The following SPO11 variants were observed in gnomAD, a reference collection of about 807,000 sequenced individuals.
The protein encoded by SPO11 is SPO11 initiator of meiotic double strand breaks.
Under a neutral mutation model 51.6 loss-of-function variants are expected in SPO11, and 49 were observed. The observed-to-expected ratio is 0.95, with a 90% CI of 0.75 to 1.20. SPO11 has a LOEUF of 1.20. SPO11 is among the 50% of genes most tolerant of loss of function. The probability of loss-of-function intolerance (pLI) is 0.00; values close to 1 mark genes in which losing one functional copy is unlikely to be tolerated. For missense variants in SPO11, 431 were observed against 473.4 expected, an observed-to-expected ratio of 0.91 and a Z score of 0.83; for synonymous variants, 176 against 158.2, an observed-to-expected ratio of 1.11 and a Z score of -0.84.
rs1442634237 is a variant in SPO11 at position 57,342,747 on chromosome 20, T to C, written c.978T>C (p.Asp326=). Residue 326 remains aspartate (D), a synonymous_variant, in exon 12 of 13, where the codon GAT becomes GAC. Transcript: ENST00000371263. ...TTTCCAGATTAAATGTACCTAAAGA[T>C]AGTTTGATTCCACTGACAAAAAGGG... is the stretch of plus-strand genomic sequence containing the variant. ...SDLKRLNVPK[D]SLIPLTKRDQ... 4 of 1,612,538 alleles carry C rather than the reference T, an allele frequency of 2.5e-6. No homozygotes were observed. In the South Asian group the frequency reaches 4.4e-5, roughly 18 times the overall value.
intron 8 of SPO11, chr20:57,337,775 G>A (rs185899049): frequency 2.3e-6 from 3 of 1,308,304 alleles, no homozygotes; most frequent in Admixed American, 2.2e-5. Context: ...ATCCAAGGTA[G>A]GAAGATGTAA....
chr20:57,330,603 A>G (rs2066437601), intron 1 of SPO11, among the ~76,000 whole-genome samples: 1 of 152,238 alleles, frequency 6.6e-6, no homozygotes, highest in South Asian at 2.1e-4. Flanking sequence ...CCATGTTAGA[A>G]TTAACCACAG....
Position 57,334,766 on chromosome 20 carries a change from G to A in SPO11, c.527G>A (p.Gly176Asp). Residue 176 changes from glycine to aspartate, a missense_variant, in exon 6 of 13, where the codon GGT becomes GAT. Transcript: ENST00000371263. ...TTTTTGCAGTTATCTACATCAAAAG[G>A]TTTAATTGCTGGCAACTTAAGATAC... ...RSLHILSTSK[G>D]LIAGNLRYIE... 2 of 1,613,606 alleles carry A rather than the reference G, an allele frequency of 1.2e-6. No individual in the cohort carries two copies. The highest frequency in any genetic ancestry group is 1.7e-6 in the Non-Finnish European group (2 of 1,179,736).
rs2066522130 is a variant in SPO11 at position 57,337,112 on chromosome 20, ATGG to A, written c.745-1163_745-1161del. 2.6e-5 allele frequency among the ~76,000 whole-genome samples: 4 copies of A among 152,256 alleles called. No individual in the cohort carries two copies. In the South Asian group the frequency reaches 8.3e-4, roughly 32 times the overall value. On this transcript the variant is annotated intron_variant, in intron 8 of 12. Coordinates refer to ENST00000371263, the MANE Select transcript of SPO11 (RefSeq NM_012444.3). ...CTTGCCCAACATCACACCACTGATG[ATGG>A]GCAGAGAGGGAATTCAAACTCGGAG... is the stretch of plus-strand genomic sequence containing the variant.
chr20:57,329,903 C>G lies in SPO11; in HGVS notation c.36C>G (p.Phe12Leu). The G allele has an allele frequency of 6.2e-7, 1 of 1,613,890 alleles. No individual in the cohort carries two copies. The highest frequency in any genetic ancestry group is 8.5e-7 in the Non-Finnish European group (1 of 1,179,906). ...AFAPMGPEAS[F>L]FDVLDRHRES... ...CACCTATGGGGCCCGAGGCCTCGTT[C>G]TTCGACGTTTTGGACCGACACAGGG... The change falls in exon 1 of 13, where the codon TTC (phenylalanine) becomes TTG (leucine). Residue 12 changes from phenylalanine to leucine, a missense_variant. Physicochemically the swap from Phe to Leu is conservative, Grantham distance 22. This residue lies in a region of SPO11 where 405 missense variants were observed against 425.9 expected (regional missense o/e 0.95). Coordinates refer to ENST00000371263, the MANE Select transcript of SPO11 (RefSeq NM_012444.3).
At position 57,329,975 on chromosome 20, in the gene SPO11, T is replaced by TG; in HGVS notation, c.113dup (p.Ser39LysfsTer8). 1 of 1,607,382 alleles carries TG rather than the reference T, an allele frequency of 6.2e-7. No homozygotes were observed. Among genetic ancestry groups the TG allele is most frequent in the South Asian group, 1.1e-5 (1 of 90,518 alleles). On this transcript the variant is annotated frameshift_variant, in exon 1 of 13. Coordinates refer to ENST00000371263, the MANE Select transcript of SPO11 (RefSeq NM_012444.3). LOFTEE classifies it high-confidence loss of function. ...GGAGAGGTGGCAGGGAGCCCCCAAC[T>TG]GGGGGAAGCCGCCTGGCCTCCAGGT...
intron 11 of SPO11, among the ~76,000 whole-genome samples, chr20:57,340,895 A>T (rs2066573773): frequency 6.6e-6 from 1 of 152,234 alleles, no homozygotes; most frequent in Admixed American, 6.5e-5. Context: ...TCATTTTAAG[A>T]GTATTAAAAT....
intron 1 of SPO11, among the ~76,000 whole-genome samples, chr20:57,330,695 G>A (rs2066438687): frequency 6.6e-6 from 1 of 152,082 alleles, no homozygotes; most frequent in African/African-American, 2.4e-5. Context: ...GTTGAGCAAA[G>A]TTTTTCAGCC....
In SPO11 at chr20:57,343,499, C is replaced by T; in HGVS notation, c.*39C>T. The T allele has an allele frequency of 6.4e-7, 1 of 1,562,416 alleles. No individual in the cohort carries two copies. Among genetic ancestry groups the T allele is most frequent in the Non-Finnish European group, 8.6e-7 (1 of 1,161,134 alleles). On this transcript the variant is annotated 3_prime_UTR_variant, in exon 13 of 13. Coordinates refer to ENST00000371263, the MANE Select transcript of SPO11 (RefSeq NM_012444.3). The stretch of plus-strand genomic sequence containing the variant: ...GAACTTCTGATTGCCAGAGGCTTTT[C>T]ATTAGTTTTGTTTTGATTGGCAAAT...
intron 7 of SPO11, 53 bp from the exon 8 acceptor site, chr20:57,335,745 G>A (rs1286512492): frequency 9.1e-7 from 1 of 1,096,752 alleles, no homozygotes; most frequent in Non-Finnish European, 1.4e-6. Context: ...TAATTTAGTT[G>A]GTGATTAAAT....
In SPO11 at chr20:57,335,430, G is replaced by T. The variant is rs1312301390; in HGVS notation, c.609G>T (p.Val203=). ...TTTTTTTTTAAAAGGCTGTTGCTGT[G>T]CCATCGAATATTCAAGGAATTCGGA... ...NCTCGATAVA[V]PSNIQGIRNL... is the part of the protein sequence containing the mutation. Residue 203 remains valine, a synonymous_variant, in exon 7 of 13, where the codon GTG becomes GTT. Transcript: ENST00000371263. 1 of 1,609,988 alleles carries T rather than the reference G, an allele frequency of 6.2e-7. No individual in the cohort carries two copies.
chr20:57,338,341 T>G lies in SPO11; in HGVS notation c.810T>G (p.Val270=). ...LVKKLWDTFH[V]PVFTLVDADP... Reference sequence around the variant, plus strand: ...AGAAACTGTGGGATACATTTCATGTTCCTGTTTTCACTCTTGTAGATGCTG... The same window carrying G: ...AGAAACTGTGGGATACATTTCATGTGCCTGTTTTCACTCTTGTAGATGCTG... The change falls in exon 9 of 13, where the codon GTT becomes GTG. Residue 270 remains valine (V), a synonymous_variant. Transcript: ENST00000371263. The G allele has an allele frequency of 6.2e-7, 1 of 1,613,888 alleles. No homozygotes were observed.
chr20:57,342,919 G>C, intron 12 of SPO11, 79 bp downstream of exon 12: 1 of 977,534 alleles, frequency 1.0e-6, no homozygotes, highest in Non-Finnish European at 1.6e-6. Context: ...ATCGTATTTT[G>C]AAAATATCCC....
In SPO11 at chr20:57,343,681, A is replaced by G. The variant is rs913755826; in HGVS notation, c.*221A>G. On this transcript the variant is annotated 3_prime_UTR_variant, in exon 13 of 13. Transcript: ENST00000371263. ...CTCTATAGAGACAGATTTCTGTCCT[A>G]TCTTCTAAAGCAAATTATAAAAGAA... 5.8e-6 allele frequency: 2 copies of G among 342,630 alleles called. No homozygotes were observed. The highest frequency in any genetic ancestry group is 5.2e-5 in the East Asian group (1 of 19,366). The allele number at this position is 342,630 out of a possible 1,614,324, so 21.2% of individuals were successfully genotyped here.
rs2066598409 is a variant in SPO11, at chr20:57,342,741, TAA to T, written c.974_975del (p.Lys325ArgfsTer2). The T allele has an allele frequency of 1.2e-6, 2 of 1,611,702 alleles. No homozygotes were observed. The highest frequency in any genetic ancestry group is 1.7e-6 in the Non-Finnish European group (2 of 1,178,252). On this transcript the variant is annotated frameshift_variant, in exon 12 of 13. Coordinates refer to ENST00000371263, the MANE Select transcript of SPO11 (RefSeq NM_012444.3). LOFTEE classifies it high-confidence loss of function. ...PSDLKRLNVP[K>X]DSLIPLTKRD... is the part of the protein sequence containing the mutation. The stretch of plus-strand genomic sequence containing the variant: ...TACTTTTTTCCAGATTAAATGTACC[TAA>T]AGATAGTTTGATTCCACTGACAAAA...
intron 12 of SPO11, 76 bp downstream of exon 12, chr20:57,342,916 T>A: frequency 1.0e-6 from 1 of 991,624 alleles, no homozygotes; most frequent in South Asian, 1.5e-5. Context: ...CACATCGTAT[T>A]TTGAAAATAT....
rs1420630871 is a variant in SPO11 at position 57,342,734 on chromosome 20, AT to A, written c.966del (p.Asn322LysfsTer7). On this transcript the variant is annotated frameshift_variant, in exon 12 of 13. Transcript: ENST00000371263. LOFTEE classifies it high-confidence loss of function. ...TTTCACCTACTTTTTTCCAGATTAA[AT>A]GTACCTAAAGATAGTTTGATTCCAC... ...GLLPSDLKRL[N>X]VPKDSLIPLT... 2 of 1,606,322 alleles carry A rather than the reference AT, an allele frequency of 1.2e-6. No homozygotes were observed. The highest frequency in any genetic ancestry group is 1.7e-5 in the Admixed American group (1 of 59,498).
rs774957467 is a variant in SPO11 at position 57,333,743 on chromosome 20, G to A, written c.391G>A (p.Ala131Thr). 2 of 1,469,464 alleles carry A rather than the reference G, an allele frequency of 1.4e-6. No individual in the cohort carries two copies. Among genetic ancestry groups the A allele is most frequent in the Non-Finnish European group, 1.9e-6 (2 of 1,055,526 alleles). 91.0% of individuals were successfully genotyped at this position (1,469,464 alleles called of 1,614,324 possible). A position where few individuals can be genotyped will look rare whatever the true frequency, so the allele number is the denominator to read the frequency against. ...TAAATTAGTACAGAGCAACACTTATGCAACCAAAAGGTAAATATATTGTTC... is the reference window on the plus strand; with the variant it reads ...TAAATTAGTACAGAGCAACACTTATACAACCAAAAGGTAAATATATTGTTC... ...IYKLVQSNTY[A>T]TKRDIYYTDS... Residue 131 changes from alanine to threonine, a missense_variant, in exon 4 of 13, where the codon GCA becomes ACA. Transcript: ENST00000371263.
At chr20:57,333,564 C>G (rs2066474532) in intron 3 of SPO11, 123 bp from the exon 4 acceptor site, 4 of 682,776 alleles carry the variant, frequency 5.9e-6, no homozygotes, top group African/African-American at 1.8e-5. Flanking sequence ...ACTTAACCCT[C>G]CCATTTTGGA....
Sources: allele counts gnomAD v4.1 joint callset (sites outside exome capture counted in the v4.1 genomes callset), GRCh38; gene constraint gnomAD v4.1.1; regional missense constraint gnomAD v4.1.1; transcripts MANE v1.5; gene names NCBI Gene and HGNC (gene_info 2026-07-23, HGNC 2026-07-21).